Variants in FEM1C observed in about 807,000 individuals in gnomAD.
FEM1C encodes protein fem-1 homolog C.
In FEM1C, 15 loss-of-function variants were observed where a neutral mutation model predicts 37.6. The ratio of observed to expected loss-of-function variants is 0.40; its 90% CI spans 0.27 to 0.61. FEM1C has a LOEUF of 0.61. Ranked by LOEUF, FEM1C falls within the 20% of genes least tolerant of loss-of-function variation. The pLI is 0.42. For missense variants in FEM1C, 532 were observed against 749.7 expected, an observed-to-expected ratio of 0.71 and a Z score of 3.39; for synonymous variants, 287 against 272.8, an observed-to-expected ratio of 1.05 and a Z score of -0.51.
At chr5:115,542,304 G>C (rs956681904) in intron 2 of FEM1C, among the ~76,000 whole-genome samples, 9 of 152,110 alleles carry the variant, frequency 5.9e-5, no homozygotes, top group Non-Finnish European at 1.2e-4. Context: ...TCTAGTCCTT[G>C]TTCTTCACTC....
At position 115,522,465 on chromosome 5, in the gene FEM1C, T is replaced by C. The variant is rs558199348; in HGVS notation, c.*1843A>G. ...TCGTTCATTTATATCCAATTTACCT[T>C]TTCTTAATGGTGAAATCAAATTTAC... On this transcript the variant is annotated 3_prime_UTR_variant, in exon 3 of 3. Transcript: ENST00000274457. The C allele has an allele frequency of 1.3e-5, 2 of 152,070 alleles. No homozygotes were observed. Among genetic ancestry groups the C allele is most frequent in the South Asian group, 4.1e-4 (2 of 4,822 alleles). The allele number at this position is 152,070 out of a possible 1,614,324, so 9.4% of individuals were successfully genotyped here. A position where few individuals can be genotyped will look rare whatever the true frequency, so the allele number is the denominator to read the frequency against.
chr5:115,527,228 T>G (rs1468039131), intron 2 of FEM1C, among the ~76,000 whole-genome samples: 3 of 152,128 alleles, frequency 2.0e-5, no homozygotes, highest in African/African-American at 7.2e-5. Context: ...GGGGTGGCTT[T>G]GGGGATGCTC....
chr5:115,524,044 A>G lies in FEM1C; in HGVS notation c.*264T>C, dbSNP rs1335573142. On this transcript the variant is annotated 3_prime_UTR_variant, in exon 3 of 3. Transcript: ENST00000274457. ...CAAACACCCAACAGCAAACAAAACC[A>G]GAATGAATAAGCCTTTGGCAGACAA... is the stretch of plus-strand genomic sequence containing the variant. 2.8e-6 allele frequency: 1 copy of G among 354,210 alleles called. No individual in the cohort carries two copies. The highest frequency in any genetic ancestry group is 5.1e-6 in the Non-Finnish European group (1 of 197,878). The allele number at this position is 354,210 out of a possible 1,614,324, so 21.9% of individuals were successfully genotyped here.
chr5:115,524,214 G>T lies in FEM1C; in HGVS notation c.*94C>A. The T allele has an allele frequency of 1.0e-6, 1 of 981,504 alleles. No homozygotes were observed. Among genetic ancestry groups the T allele is most frequent in the Non-Finnish European group, 1.6e-6 (1 of 643,874 alleles). 60.8% of individuals were successfully genotyped at this position (981,504 alleles called of 1,614,324 possible). A position where few individuals can be genotyped will look rare whatever the true frequency, so the allele number is the denominator to read the frequency against. Reference sequence around the variant, plus strand: ...ATGAGAGCACAATGATATCAATCAAGCTAAATGAATGCTGGTGTTATCACA... The same window carrying T: ...ATGAGAGCACAATGATATCAATCAATCTAAATGAATGCTGGTGTTATCACA... On this transcript the variant is annotated 3_prime_UTR_variant, in exon 3 of 3. Coordinates refer to ENST00000274457, the MANE Select transcript of FEM1C (RefSeq NM_020177.3).
At chr5:115,532,808 G>C (rs145220644) in intron 2 of FEM1C, among the ~76,000 whole-genome samples, 2 of 151,872 alleles carry the variant, frequency 1.3e-5, no homozygotes, top group Non-Finnish European at 2.9e-5. Context: ...ACATTTCCCC[G>C]TTGATGGACA....
chr5:115,541,409 A>G (rs747882478), intron 2 of FEM1C, among the ~76,000 whole-genome samples: 7 of 152,050 alleles, frequency 4.6e-5, no homozygotes, highest in Non-Finnish European at 8.8e-5. Context: ...TCATTTTTAT[A>G]AAAGATCACA....
At chr5:115,534,078 G>A (rs914631387) in intron 2 of FEM1C, among the ~76,000 whole-genome samples, 3 of 151,868 alleles carry the variant, frequency 2.0e-5, no homozygotes, top group Non-Finnish European at 2.9e-5. Context: ...AGTATGATAC[G>A]AATACATTAA....
In FEM1C at chr5:115,521,957, G is replaced by A. The variant is rs946998996; in HGVS notation, c.*2351C>T. On this transcript the variant is annotated 3_prime_UTR_variant, in exon 3 of 3. Coordinates refer to ENST00000274457, the MANE Select transcript of FEM1C (RefSeq NM_020177.3). Reference sequence around the variant, plus strand: ...GAGAAGGGAGAAATGTATTCTAAGTGAAATAAGTCATTTCAGTTATCAAGA... The same window carrying A: ...GAGAAGGGAGAAATGTATTCTAAGTAAAATAAGTCATTTCAGTTATCAAGA... The A allele has an allele frequency of 6.6e-6, 1 of 151,822 alleles. No homozygotes were observed. The highest frequency in any genetic ancestry group is 2.4e-5 in the African/African-American group (1 of 41,400). The allele number at this position is 151,822 out of a possible 1,614,324, so 9.4% of individuals were successfully genotyped here.
chr5:115,528,204 C>T (rs1753944609), intron 2 of FEM1C, among the ~76,000 whole-genome samples: 1 of 151,966 alleles, frequency 6.6e-6, no homozygotes, highest in Non-Finnish European at 1.5e-5. Context: ...CTCCCACTAA[C>T]AACTAAAAAA....
In FEM1C at chr5:115,523,712, T is replaced by G. The variant is rs980654713; in HGVS notation, c.*596A>C. ...AAACATAAGAAAACAGTGTTTTGAG[T>G]TGAAGTTGACCAACTGCTGCATAGA... On this transcript the variant is annotated 3_prime_UTR_variant, in exon 3 of 3. Coordinates refer to ENST00000274457, the MANE Select transcript of FEM1C (RefSeq NM_020177.3). 1.3e-5 allele frequency: 2 copies of G among 152,478 alleles called. No homozygotes were observed. The highest frequency in any genetic ancestry group is 4.8e-5 in the African/African-American group (2 of 41,408). The allele number at this position is 152,478 out of a possible 1,614,324, so 9.4% of individuals were successfully genotyped here.
In FEM1C at chr5:115,525,012, A is replaced by G. The variant is rs2127168770; in HGVS notation, c.1150T>C (p.Leu384=). The G allele has an allele frequency of 6.2e-7, 1 of 1,613,720 alleles. No homozygotes were observed. The highest frequency in any genetic ancestry group is 8.5e-7 in the Non-Finnish European group (1 of 1,179,826). The change falls in exon 3 of 3, where the codon TTA becomes CTA. Residue 384 remains leucine, a synonymous_variant. Transcript: ENST00000274457. ...AAGGAGAATAGTTCTGCAAAAGATAATAAGCTGCTGGCGGTCATTGGGCTT... is the reference window on the plus strand; with the variant it reads ...AAGGAGAATAGTTCTGCAAAAGATAGTAAGCTGCTGGCGGTCATTGGGCTT... The part of the protein sequence containing the change: ...PLSPMTASSL[L]SFAELFSFML...
rs866148307 is a variant in FEM1C, at chr5:115,544,692, G to A, written c.-360C>T. 1 of 153,276 alleles carries A rather than the reference G, an allele frequency of 6.5e-6. No individual in the cohort carries two copies. 9.5% of individuals were successfully genotyped at this position (153,276 alleles called of 1,614,324 possible). ...AGGAATGAATCCGGCCGCGCTGTTC[G>A]CCACGCCCCGCCACCCGAGCTGCCT... On this transcript the variant is annotated 5_prime_UTR_variant, in exon 1 of 3. Coordinates refer to ENST00000274457, the MANE Select transcript of FEM1C (RefSeq NM_020177.3).
chr5:115,530,486 G>GT (rs766094779), intron 2 of FEM1C, among the ~76,000 whole-genome samples: 12 of 152,164 alleles, frequency 7.9e-5, no homozygotes, highest in Non-Finnish European at 1.3e-4. Context: ...ACCAAAACCA[G>GT]TAAGGATGAA....
rs1753811836 is a variant in FEM1C, at chr5:115,523,228, G to A, written c.*1080C>T. 6.6e-6 allele frequency: 1 copy of A among 152,438 alleles called. No homozygotes were observed. Among genetic ancestry groups the A allele is most frequent in the South Asian group, 2.1e-4 (1 of 4,826 alleles). 9.4% of individuals were successfully genotyped at this position (152,438 alleles called of 1,614,324 possible). ...ATACCTTAATTATCCTAGATGCCTA[G>A]ATCTGGCTTGGCAAGCATCATGCCA... On this transcript the variant is annotated 3_prime_UTR_variant, in exon 3 of 3. Transcript: ENST00000274457.
At chr5:115,537,024 C>T (rs575977008) in intron 2 of FEM1C, among the ~76,000 whole-genome samples, 1 of 151,976 alleles carries the variant, frequency 6.6e-6, no homozygotes, top group African/African-American at 2.4e-5. Flanking sequence ...AAAACTTCAA[C>T]ATTATAATTC....
At chr5:115,537,735 T>C (rs1482508032) in intron 2 of FEM1C, among the ~76,000 whole-genome samples, 2 of 152,098 alleles carry the variant, frequency 1.3e-5, no homozygotes, top group South Asian at 4.1e-4. Context: ...AGTCCCTCCC[T>C]TCCCCCTTTT....
intron 2 of FEM1C, among the ~76,000 whole-genome samples, 164 bp downstream of exon 2, chr5:115,542,786 T>G (rs1442580439): frequency 1.3e-5 from 2 of 152,152 alleles, no homozygotes; most frequent in African/African-American, 2.4e-5. Context: ...TTCAATCTAT[T>G]ACCAAACATC....
At position 115,524,679 on chromosome 5, in the gene FEM1C, T is replaced by G; in HGVS notation, c.1483A>C (p.Thr495Pro). The change falls in exon 3 of 3, where the codon ACA (threonine) becomes CCA (proline). Residue 495 changes from threonine (T) to proline (P), a missense_variant. Thr to Pro is a conservative substitution (Grantham distance 38). Around this residue, in one of 3 missense-constraint regions of FEM1C, gnomAD observed 237 missense variants for 260.5 expected, o/e 0.91. Transcript: ENST00000274457. The stretch of plus-strand genomic sequence containing the variant: ...CAAACAGGGTACCGCCCTACACATG[T>G]AGTATTCTTGTCCACAGCCAGATGA... Reference protein sequence around the residue: ...PLHLAVDKNTTCVGRYPVCKF... With the variant: ...PLHLAVDKNTPCVGRYPVCKF... The G allele has an allele frequency of 6.5e-7, 1 of 1,549,618 alleles. No individual in the cohort carries two copies. Among genetic ancestry groups the G allele is most frequent in the Non-Finnish European group, 8.7e-7 (1 of 1,152,598 alleles).
intron 2 of FEM1C, among the ~76,000 whole-genome samples, chr5:115,533,115 C>A (rs577918319): frequency 2.0e-5 from 3 of 152,118 alleles, no homozygotes. Flanking sequence ...GCTTAATAGA[C>A]ATCTTCAATT....
Sources: allele counts gnomAD v4.1 joint callset (sites outside exome capture counted in the v4.1 genomes callset), GRCh38; gene constraint gnomAD v4.1.1; regional missense constraint gnomAD v4.1.1; transcripts MANE v1.5; gene names NCBI Gene and HGNC (gene_info 2026-07-23, HGNC 2026-07-21).